Variants in LRMDA observed in about 807,000 individuals in gnomAD.
LRMDA encodes the protein leucine rich melanocyte differentiation associated, also known as leucine-rich melanocyte differentiation-associated protein.
In LRMDA, 18 loss-of-function variants were observed where a neutral mutation model predicts 29.8. The observed-to-expected ratio is 0.60, with a 90% confidence interval of 0.42 to 0.90. The LOEUF (loss-of-function observed/expected upper bound fraction) is 0.90, where lower values mean the gene tolerates loss of function less well. Among genes scored for constraint, LRMDA ranks in the 40% least tolerant of loss-of-function variants. The probability of loss-of-function intolerance (pLI) is 0.00; values close to 1 mark genes in which losing one functional copy is unlikely to be tolerated. For missense variants in LRMDA, 273 were observed against 273.9 expected, an observed-to-expected ratio of 1.00 and a Z score of 0.02; for synonymous variants, 125 against 109.4, an observed-to-expected ratio of 1.14 and a Z score of -0.89.
At chr10:76,010,314 C>T (rs1460966401) in intron 2 of LRMDA, among the ~76,000 whole-genome samples, 2 of 138,896 alleles carry the variant, frequency 1.4e-5, no homozygotes, top group Non-Finnish European at 1.6e-5. Context: ...AATTTATATC[C>T]TTTTTTTTTT....
At chr10:76,205,634 T>C (rs889602108) in intron 5 of LRMDA, among the ~76,000 whole-genome samples, 3 of 152,002 alleles carry the variant, frequency 2.0e-5, no homozygotes, top group African/African-American at 7.3e-5. Flanking sequence ...AGTTAGAAAA[T>C]ATAGGATTAT....
At chr10:76,322,734 T>G (rs1203978011) in intron 5 of LRMDA, among the ~76,000 whole-genome samples, 1 of 152,162 alleles carries the variant, frequency 6.6e-6, no homozygotes, top group African/African-American at 2.4e-5. Flanking sequence ...CATGTTGGAT[T>G]TTTGGGTCTT....
chr10:75,921,527 A>G (rs542349057), intron 2 of LRMDA, among the ~76,000 whole-genome samples: 6 of 152,338 alleles, frequency 3.9e-5, no homozygotes, highest in African/African-American at 1.4e-4. Flanking sequence ...CTTGACTCCC[A>G]TAGGAGACAA....
At chr10:76,189,043 A>T (rs760865582) in intron 5 of LRMDA, among the ~76,000 whole-genome samples, 1 of 152,194 alleles carries the variant, frequency 6.6e-6, no homozygotes, top group Non-Finnish European at 1.5e-5. Context: ...ATTTGAAAAA[A>T]TAGGTATACA....
At chr10:75,758,307 C>A (rs1843056794) in intron 2 of LRMDA, among the ~76,000 whole-genome samples, 1 of 152,200 alleles carries the variant, frequency 6.6e-6, no homozygotes, top group Non-Finnish European at 1.5e-5. Context: ...TTTGAAAAGT[C>A]GGAAACTAAG....
At chr10:75,698,974 G>A (rs539499420) in intron 2 of LRMDA, among the ~76,000 whole-genome samples, 5 of 152,262 alleles carry the variant, frequency 3.3e-5, no homozygotes, top group Non-Finnish European at 5.9e-5. Context: ...GCTGAGGCGG[G>A]TGGATCACCT....
At chr10:75,757,327 G>T (rs1843044250) in intron 2 of LRMDA, among the ~76,000 whole-genome samples, 1 of 152,222 alleles carries the variant, frequency 6.6e-6, no homozygotes, top group South Asian at 2.1e-4. Context: ...TGTACGAGAG[G>T]TTTGATGGGC....
intron 5 of LRMDA, among the ~76,000 whole-genome samples, chr10:76,248,138 C>T (rs150535511): frequency 3.9e-5 from 6 of 152,184 alleles, no homozygotes; most frequent in African/African-American, 1.2e-4. Flanking sequence ...ATTTTGACTC[C>T]CAAGAGTCAT....
At chr10:76,461,045 A>G (rs1842507155) in intron 6 of LRMDA, among the ~76,000 whole-genome samples, 1 of 152,232 alleles carries the variant, frequency 6.6e-6, no homozygotes, top group Non-Finnish European at 1.5e-5. Flanking sequence ...ACTTCTGGAA[A>G]TTAAACGAGT....
chr10:75,442,945 ATT>A (rs917938255), intron 2 of LRMDA, among the ~76,000 whole-genome samples: 5 of 152,090 alleles, frequency 3.3e-5, no homozygotes, highest in African/African-American at 1.2e-4. Flanking sequence ...ATAGGAATAA[ATT>A]TTATTCCTAT....
intron 2 of LRMDA, among the ~76,000 whole-genome samples, chr10:75,444,539 C>G (rs1844367741): frequency 6.6e-6 from 1 of 152,140 alleles, no homozygotes; most frequent in African/African-American, 2.4e-5. Flanking sequence ...GGGTCAGGGT[C>G]TTGCCATCCA....
intron 2 of LRMDA, among the ~76,000 whole-genome samples, chr10:75,926,088 T>C (rs1267817978): frequency 2.6e-5 from 4 of 152,204 alleles, no homozygotes; most frequent in Non-Finnish European, 5.9e-5. Flanking sequence ...ATTCTTTTAA[T>C]CCATGTGCTA....
chr10:76,030,045 A>G (rs1029828392), intron 2 of LRMDA, among the ~76,000 whole-genome samples: 1 of 152,104 alleles, frequency 6.6e-6, no homozygotes, highest in Non-Finnish European at 1.5e-5. Context: ...ACAGGCTCAC[A>G]CCATCATGCC....
intron 2 of LRMDA, among the ~76,000 whole-genome samples, chr10:75,859,250 T>A (rs1844878025): frequency 6.6e-6 from 1 of 152,204 alleles, no homozygotes; most frequent in African/African-American, 2.4e-5. Flanking sequence ...TGCTTAATCA[T>A]AGGGTTTGCA....
intron 6 of LRMDA, among the ~76,000 whole-genome samples, chr10:76,433,079 T>C (rs1842208486): frequency 6.6e-6 from 1 of 152,110 alleles, no homozygotes; most frequent in South Asian, 2.1e-4. Context: ...CCCACTATAA[T>C]GTTGCATGGG....
chr10:76,170,405 A>G (rs1317832844), intron 5 of LRMDA, among the ~76,000 whole-genome samples: 1 of 152,210 alleles, frequency 6.6e-6, no homozygotes, highest in Non-Finnish European at 1.5e-5. Flanking sequence ...ACTGGTCTCT[A>G]GGAAATATGG....
chr10:76,178,908 A>G (rs1290206527), intron 5 of LRMDA, among the ~76,000 whole-genome samples: 1 of 152,180 alleles, frequency 6.6e-6, no homozygotes, highest in Non-Finnish European at 1.5e-5. Flanking sequence ...GCACTTTAGG[A>G]ATATGTTCCT....
intron 2 of LRMDA, among the ~76,000 whole-genome samples, chr10:75,880,048 AT>A (rs2132342384): frequency 6.6e-6 from 1 of 152,314 alleles, no homozygotes; most frequent in East Asian, 1.9e-4. Flanking sequence ...ATTTAAGCTA[AT>A]TTTATAATGT....
At chr10:76,338,510 G>A (rs1840997959) in intron 6 of LRMDA, among the ~76,000 whole-genome samples, 2 of 152,146 alleles carry the variant, frequency 1.3e-5, no homozygotes, top group South Asian at 4.1e-4. Flanking sequence ...ACAGCCACAT[G>A]GGTCACATTG....
Sources: gnomAD v4.1 joint callset for allele counts (sites outside exome capture counted in the v4.1 genomes callset) on GRCh38, gnomAD v4.1.1 for gene constraint, MANE v1.5 for transcripts, NCBI Gene and HGNC (gene_info 2026-07-23, HGNC 2026-07-21) for gene names.